Variants in TTI1 observed in about 807,000 individuals in gnomAD.
TTI1 encodes TELO2-interacting protein 1 homolog.
A neutral mutation model predicts 85.4 loss-of-function variants in TTI1; 52 were observed. The observed-to-expected ratio is 0.61, with a 90% CI of 0.49 to 0.77. TTI1 has a LOEUF of 0.77. Among genes scored for constraint, TTI1 ranks in the 30% least tolerant of loss-of-function variants. The pLI, the probability that TTI1 is intolerant of heterozygous loss-of-function variation, is 0.00. For missense variants in TTI1, 1,173 were observed against 1,296.0 expected (o/e 0.91, Z 1.46); for synonymous variants, 512 against 503.9 (o/e 1.02, Z -0.22).
At chr20:38,017,803 C>T (rs2073707110) in intron 1 of TTI1, among the ~76,000 whole-genome samples, 1 of 152,114 alleles carries the variant, frequency 6.6e-6, no homozygotes, top group Non-Finnish European at 1.5e-5. Flanking sequence ...ACCTTAGGGG[C>T]AGAAGTGAAC....
At position 38,012,378 on chromosome 20, in the gene TTI1, G is replaced by A. The variant is rs1228820149; in HGVS notation, c.1439C>T (p.Thr480Ile). Reference protein sequence around the residue: ...RIQRRYFRFFTDERIFMLLRQ... With the variant: ...RIQRRYFRFFIDERIFMLLRQ... ...CAAGAGCATGAAGATTCTCTCATCAGTGAAGAAGCGGAAATATCTCCTCTG... is the reference window on the plus strand; with the variant it reads ...CAAGAGCATGAAGATTCTCTCATCAATGAAGAAGCGGAAATATCTCCTCTG... Residue 480 changes from threonine to isoleucine, a missense_variant, in exon 2 of 8, where the codon ACT (threonine) becomes ATT (isoleucine). Coordinates refer to ENST00000373447, the MANE Select transcript of TTI1 (RefSeq NM_001303457.2). 4 of 1,614,098 alleles carry A rather than the reference G, an allele frequency of 2.5e-6. No individual in the cohort carries two copies. The African/African-American group carries it at 5.3e-5, about 22-fold the overall frequency.
At chr20:38,024,758 G>A (rs2073814993) in intron 1 of TTI1, among the ~76,000 whole-genome samples, 1 of 152,212 alleles carries the variant, frequency 6.6e-6, no homozygotes, top group African/African-American at 2.4e-5. Context: ...CAACACTCCT[G>A]CAGGGATGGT....
At chr20:38,022,157 C>T (rs969726969) in intron 1 of TTI1, among the ~76,000 whole-genome samples, 5 of 152,144 alleles carry the variant, frequency 3.3e-5, no homozygotes, top group Admixed American at 6.5e-5. Flanking sequence ...GGCAGGTGAG[C>T]CAGGCCTCAC....
chr20:37,986,971 A>G (rs1000862063), intron 7 of TTI1: 2 of 352,334 alleles, frequency 5.7e-6, no homozygotes, highest in African/African-American at 4.3e-5. Flanking sequence ...AACAAATGCA[A>G]TATACTTTGT....
chr20:38,000,202 C>G (rs62201756), intron 4 of TTI1, among the ~76,000 whole-genome samples: 1 of 152,176 alleles, frequency 6.6e-6, no homozygotes, highest in East Asian at 1.9e-4. Context: ...TGAAGAGATG[C>G]AGATGCCACT....
At chr20:38,020,323 A>AAAAATATATATATATATATATAT in intron 1 of TTI1, among the ~76,000 whole-genome samples, 11 of 50,376 alleles carry the variant, frequency 2.2e-4, no homozygotes, top group South Asian at 9.2e-4. Context: ...AAAAAAAAAA[A>AAAAATATATATATATATATATAT]ATATATATAT....
At chr20:37,985,032 T>G (rs1449626738) in intron 7 of TTI1, among the ~76,000 whole-genome samples, 4 of 152,236 alleles carry the variant, frequency 2.6e-5, no homozygotes, top group Non-Finnish European at 5.9e-5. Flanking sequence ...AAGGAGGGGT[T>G]AAACTCTCAC....
At chr20:38,023,967 A>T (rs1041361200) in intron 1 of TTI1, among the ~76,000 whole-genome samples, 1 of 152,168 alleles carries the variant, frequency 6.6e-6, no homozygotes, top group African/African-American at 2.4e-5. Flanking sequence ...TATTTCCGGA[A>T]ATTACTCTAG....
At chr20:37,997,214 A>C (rs1035900466) in intron 5 of TTI1, among the ~76,000 whole-genome samples, 12 of 151,812 alleles carry the variant, frequency 7.9e-5, no homozygotes, top group Non-Finnish European at 1.8e-4. Flanking sequence ...TTGGATGAAT[A>C]ATATGATTAA....
At chr20:37,987,238 T>C in intron 7 of TTI1, 1 of 456,730 alleles carries the variant, frequency 2.2e-6, no homozygotes, top group Non-Finnish European at 4.4e-6. Flanking sequence ...TGCCCAGCCT[T>C]AGCTGAAACC....
At chr20:38,025,951 G>A (rs894781334) in intron 1 of TTI1, among the ~76,000 whole-genome samples, 36 of 152,170 alleles carry the variant, frequency 2.4e-4, no homozygotes, top group African/African-American at 8.2e-4. Flanking sequence ...GGGAACCTGT[G>A]GGACCAAGAG....
intron 3 of TTI1, 82 bp from the exon 4 acceptor site, chr20:38,002,858 T>G: frequency 1.3e-6 from 2 of 1,578,434 alleles, no homozygotes; most frequent in Non-Finnish European, 1.7e-6. Context: ...TATAAATTAC[T>G]CAGTCTTAGG....
At chr20:38,021,362 AGAATTGT>A (rs2073769256) in intron 1 of TTI1, among the ~76,000 whole-genome samples, 1 of 152,254 alleles carries the variant, frequency 6.6e-6, no homozygotes, top group Non-Finnish European at 1.5e-5. Context: ...AATTACAGAA[AGAATTGT>A]TTAGAGATTT....
chr20:38,020,564 C>T (rs1206069783), intron 1 of TTI1, among the ~76,000 whole-genome samples: 4 of 150,932 alleles, frequency 2.7e-5, no homozygotes, highest in African/African-American at 7.3e-5. Context: ...AGTGAAAAGG[C>T]AATTCAAAAA....
chr20:38,027,432 G>A (rs924327840), intron 1 of TTI1, among the ~76,000 whole-genome samples: 5 of 151,894 alleles, frequency 3.3e-5, no homozygotes, highest in African/African-American at 7.3e-5. Flanking sequence ...CAATGTGGGG[G>A]TTAGGAGTGC....
chr20:38,018,492 G>A lies in TTI1; in HGVS notation c.-41-4635C>T, dbSNP rs145564314. On this transcript the variant is annotated intron_variant, in intron 1 of 7. Transcript: ENST00000373447. ...ACATAAAAGACGTGGAATAAAAGACGTGAATAAATGAGTCTCAGAAGACAG... is the reference window on the plus strand; with the variant it reads ...ACATAAAAGACGTGGAATAAAAGACATGAATAAATGAGTCTCAGAAGACAG... 2.2e-4 allele frequency among the ~76,000 whole-genome samples: 33 copies of A among 152,214 alleles called. No individual in the cohort carries two copies. The East Asian group carries it at 6.0e-3, about 28-fold the overall frequency.
intron 7 of TTI1, among the ~76,000 whole-genome samples, chr20:37,994,980 G>A (rs915850736): frequency 2.0e-5 from 3 of 152,208 alleles, no homozygotes; most frequent in South Asian, 2.1e-4. Flanking sequence ...TGGGGAATGT[G>A]AAAATCAGAC....
At chr20:38,013,986 G>T in intron 1 of TTI1, 129 bp from the exon 2 acceptor site, 1 of 873,480 alleles carries the variant, frequency 1.1e-6, no homozygotes, top group Non-Finnish European at 1.7e-6. Flanking sequence ...CACTAGGGGT[G>T]CAATGAAACT....
At chr20:38,010,258 A>C (rs1486110505) in intron 2 of TTI1, among the ~76,000 whole-genome samples, 1 of 152,158 alleles carries the variant, frequency 6.6e-6, no homozygotes, top group Non-Finnish European at 1.5e-5. Context: ...TGTTTCTTAC[A>C]AGGTCTTGGC....
Sources: gnomAD v4.1 joint callset for allele counts (sites outside exome capture counted in the v4.1 genomes callset) on GRCh38, gnomAD v4.1.1 for gene constraint, MANE v1.5 for transcripts, NCBI Gene and HGNC (gene_info 2026-07-23, HGNC 2026-07-21) for gene names.